RTTN: variants seen among roughly 807,000 people sequenced by gnomAD.
RTTN encodes rotatin.
A neutral mutation model predicts 269.2 loss-of-function variants in RTTN; 182 were observed. The ratio of observed to expected loss-of-function variants is 0.68; its 90% CI spans 0.60 to 0.76. The LOEUF is 0.76. Among genes scored for constraint, RTTN ranks in the 30% least tolerant of loss-of-function variants. The pLI is 0.00. For missense variants in RTTN, 2,545 were observed against 2,608.6 expected (o/e 0.98, Z 0.53); for synonymous variants, 1,006 against 963.5 (o/e 1.04, Z -0.82).
intron 27 of RTTN, among the ~76,000 whole-genome samples, chr18:70,112,432 C>A (rs921248473): frequency 9.1e-4 from 98 of 107,356 alleles, no homozygotes; most frequent in Non-Finnish European, 1.6e-3. Context: ...AAAAAACACA[C>A]ATGGGCTCAA....
intron 9 of RTTN, among the ~76,000 whole-genome samples, chr18:70,189,215 C>G (rs1481770348): frequency 6.6e-6 from 1 of 152,188 alleles, no homozygotes; most frequent in Non-Finnish European, 1.5e-5. Context: ...CTTCATTTCA[C>G]ATTATTAGTA....
intron 21 of RTTN, among the ~76,000 whole-genome samples, chr18:70,139,110 T>C (rs921125208): frequency 5.3e-5 from 8 of 152,300 alleles, no homozygotes; most frequent in African/African-American, 1.7e-4. Flanking sequence ...AAACCACATT[T>C]TATAGAATGT....
At chr18:70,032,397 A>G (rs2057042297) in intron 40 of RTTN, among the ~76,000 whole-genome samples, 1 of 152,116 alleles carries the variant, frequency 6.6e-6, no homozygotes, top group African/African-American at 2.4e-5. Flanking sequence ...TTCTTCCCCC[A>G]CTGCAGCCTC....
At position 70,017,509 on chromosome 18, in the gene RTTN, CTGTT is replaced by C. The variant is rs776444412; in HGVS notation, c.6315_6318del (p.Thr2106ArgfsTer2). ...CTCTTGTGCTTGTATTTGCTCATCT[CTGTT>C]AGTAAGTCTAGACAGCCATCAAGCC... On this transcript the variant is annotated frameshift_variant, in exon 46 of 49. Coordinates refer to ENST00000640769, the MANE Select transcript of RTTN (RefSeq NM_173630.4). LOFTEE classifies it high-confidence loss of function. 2 of 1,613,928 alleles carry C rather than the reference CTGTT, an allele frequency of 1.2e-6. No individual in the cohort carries two copies.
chr18:70,111,373 A>C (rs1008786663), intron 27 of RTTN, among the ~76,000 whole-genome samples: 4 of 152,200 alleles, frequency 2.6e-5, no homozygotes, highest in Non-Finnish European at 4.4e-5. Context: ...ATCAGGCAGC[A>C]ATCTTTGCTG....
intron 28 of RTTN, among the ~76,000 whole-genome samples, chr18:70,108,293 A>G (rs1001318570): frequency 3.3e-5 from 5 of 151,366 alleles, no homozygotes; most frequent in Admixed American, 1.3e-4. Context: ...AAAAAAAGTC[A>G]TTTCATTTCA....
At chr18:70,030,339 A>G (rs1341245534) in intron 41 of RTTN, among the ~76,000 whole-genome samples, 1 of 152,242 alleles carries the variant, frequency 6.6e-6, no homozygotes, top group Admixed American at 6.5e-5. Context: ...AATCCAATTT[A>G]CAACTTGAGG....
In RTTN at chr18:70,086,640, T is replaced by C; in HGVS notation, c.4347A>G (p.Thr1449=). ...LQNLLVIPMP[T]EIIKDYTWQG... is the part of the protein sequence containing the mutation. ...GCCAAGTATAATCCTTTATAATTTC[T>C]GTAGGCATTGGAATTACAAGGAGAT... Residue 1449 remains threonine, a synonymous_variant, in exon 32 of 49, where the codon ACA becomes ACG. Coordinates refer to ENST00000640769, the MANE Select transcript of RTTN (RefSeq NM_173630.4). The C allele has an allele frequency of 1.3e-6, 2 of 1,577,088 alleles. No homozygotes were observed. Among genetic ancestry groups the C allele is most frequent in the Non-Finnish European group, 1.7e-6 (2 of 1,164,750 alleles).
chr18:70,194,388 T>C (rs530651081), intron 7 of RTTN: 1 of 152,370 alleles, frequency 6.6e-6, no homozygotes, highest in South Asian at 2.1e-4. Flanking sequence ...GAAAATAGTT[T>C]GGTGATTCTT....
intron 40 of RTTN, among the ~76,000 whole-genome samples, chr18:70,047,308 T>A (rs146715618): frequency 6.6e-6 from 1 of 152,292 alleles, no homozygotes; most frequent in Non-Finnish European, 1.5e-5. Context: ...TCTAAAAATA[T>A]TCCTATTTGT....
intron 44 of RTTN, among the ~76,000 whole-genome samples, chr18:70,023,606 C>T (rs2056769056): frequency 6.6e-6 from 1 of 152,052 alleles, no homozygotes; most frequent in Non-Finnish European, 1.5e-5. Flanking sequence ...TCCTTCCTAC[C>T]TCCCACAACA....
At chr18:70,142,165 A>C (rs2060273136) in intron 19 of RTTN, 123 bp downstream of exon 19, 1 of 631,304 alleles carries the variant, frequency 1.6e-6, no homozygotes, top group Admixed American at 2.9e-5. Flanking sequence ...AGGGCTGTCA[A>C]AAAAAAGGCC....
chr18:70,030,757 C>A, intron 41 of RTTN, 119 bp downstream of exon 41: 1 of 627,276 alleles, frequency 1.6e-6, no homozygotes, highest in Non-Finnish European at 2.6e-6. Context: ...TTTTTAGTGA[C>A]ACTGAGATTA....
chr18:70,048,730 G>C (rs993083309), intron 39 of RTTN, among the ~76,000 whole-genome samples: 2 of 152,040 alleles, frequency 1.3e-5, no homozygotes, highest in African/African-American at 4.8e-5. Context: ...GGTTTCATGA[G>C]AATTATGTTC....
At chr18:70,160,414 G>A (rs903157063) in intron 14 of RTTN, among the ~76,000 whole-genome samples, 1 of 151,720 alleles carries the variant, frequency 6.6e-6, no homozygotes, top group Non-Finnish European at 1.5e-5. Flanking sequence ...CATCAAACTA[G>A]GCATTGAAGC....
intron 27 of RTTN, among the ~76,000 whole-genome samples, chr18:70,113,766 G>A (rs2059534233): frequency 6.6e-6 from 1 of 152,270 alleles, no homozygotes; most frequent in South Asian, 2.1e-4. Flanking sequence ...GAAACATGAT[G>A]CTAAGTGAAG....
Position 70,166,915 on chromosome 18 carries a change from T to C in RTTN, c.1802+4A>G, listed in dbSNP as rs766320970. On this transcript the variant is annotated splice_donor_region_variant and intron_variant, in intron 13 of 48. Coordinates refer to ENST00000640769, the MANE Select transcript of RTTN (RefSeq NM_173630.4). Reference sequence around the variant, plus strand: ...CGTAATCACATTAAGAAAGAAAATATTACATCTTTGAACAAATGCTGATGA... The same window carrying C: ...CGTAATCACATTAAGAAAGAAAATACTACATCTTTGAACAAATGCTGATGA... 4 of 1,592,216 alleles carry C rather than the reference T, an allele frequency of 2.5e-6. No homozygotes were observed. The highest frequency in any genetic ancestry group is 2.2e-5 in the East Asian group (1 of 44,730).
intron 23 of RTTN, chr18:70,131,216 T>TA (rs1349526445): frequency 6.9e-6 from 1 of 145,496 alleles, no homozygotes; most frequent in African/African-American, 2.5e-5. Context: ...AAAAAACTCT[T>TA]AAAAAAACAA....
intron 46 of RTTN, among the ~76,000 whole-genome samples, chr18:70,009,464 C>CAACCCAGAA (rs1360698591): frequency 6.6e-6 from 1 of 152,100 alleles, no homozygotes; most frequent in African/African-American, 2.4e-5. Context: ...CCCAGAAATT[C>CAACCCAGAA]ATATCCAGCC....
Sources: gnomAD v4.1 joint callset for allele counts (sites outside exome capture counted in the v4.1 genomes callset) on GRCh38, gnomAD v4.1.1 for gene constraint, MANE v1.5 for transcripts, NCBI Gene and HGNC (gene_info 2026-07-23, HGNC 2026-07-21) for gene names.